TMEM178B: variants seen among roughly 807,000 people sequenced by gnomAD.
TMEM178B encodes the protein transmembrane protein 178B.
In TMEM178B, 5 loss-of-function variants were observed where a neutral mutation model predicts 31.0. The ratio of observed to expected loss-of-function variants is 0.16; its 90% CI spans 0.08 to 0.34. TMEM178B has a LOEUF of 0.34. Ranked by LOEUF, TMEM178B falls within the 10% of genes least tolerant of loss-of-function variation. TMEM178B has a pLI of 1.00. For synonymous variants in TMEM178B, 164 were observed against 164.0 expected, an observed-to-expected ratio of 1.00 and a Z score of 0.00; for missense variants, 275 against 400.3, an observed-to-expected ratio of 0.69 and a Z score of 2.67.
Position 141,444,915 on chromosome 7 carries a change from A to G in TMEM178B, c.634+7170A>G, listed in dbSNP as rs17133531. Among the ~76,000 whole-genome samples the G allele has an allele frequency of 5.6e-3, 849 of 152,106 alleles. 8 individuals are homozygous for G. Among genetic ancestry groups the G allele is most frequent in the African/African-American group, 0.018 (765 of 41,530 alleles). ...TCTGGGCTTCTAAGTGGGTGCCAGT[A>G]TGTGTCATTCACTCTGTGTCTCCCT... On this transcript the variant is annotated intron_variant, in intron 3 of 3. Transcript: ENST00000565468.
In TMEM178B at chr7:141,270,617, T is replaced by G. The variant is rs563812172; in HGVS notation, c.496+57913T>G. Among the ~76,000 whole-genome samples the G allele has an allele frequency of 6.5e-4, 99 of 152,330 alleles. 1 individual carries two copies. The South Asian group carries it at 0.017, about 26-fold the overall frequency. On this transcript the variant is annotated intron_variant, in intron 2 of 3. Coordinates refer to ENST00000565468, the MANE Select transcript of TMEM178B (RefSeq NM_001195278.2). ...GTCTTGCTAAAGCATCATTTCTAAT[T>G]AAAATATAGGCTTTTTAAAAACACT... is the stretch of plus-strand genomic sequence containing the variant.
chr7:141,233,478 T>C (rs553891148), intron 2 of TMEM178B, among the ~76,000 whole-genome samples: 1 of 152,328 alleles, frequency 6.6e-6, no homozygotes, highest in Admixed American at 6.5e-5. Context: ...CAAGTGATAG[T>C]CCACCGTAAG....
chr7:141,347,716 C>T (rs1194694866), intron 2 of TMEM178B, among the ~76,000 whole-genome samples: 1 of 151,948 alleles, frequency 6.6e-6, no homozygotes, highest in Admixed American at 6.6e-5. Flanking sequence ...ATCTCCCCCA[C>T]CCCCCGTCTG....
chr7:141,509,266 G>C, the TMEM178B span, among the ~76,000 whole-genome samples: 1 of 152,202 alleles, frequency 6.6e-6, no homozygotes, highest in African/African-American at 2.4e-5. Context: ...AATAGAGTAA[G>C]TGAAGAGGAA....
chr7:141,378,263 C>T (rs1286561705), intron 2 of TMEM178B, among the ~76,000 whole-genome samples: 5 of 152,186 alleles, frequency 3.3e-5, no homozygotes, highest in Non-Finnish European at 7.3e-5. Context: ...ATCGACATGA[C>T]TTATTGCTGG....
chr7:141,276,507 A>G (rs1798268721), intron 2 of TMEM178B, among the ~76,000 whole-genome samples: 1 of 152,126 alleles, frequency 6.6e-6, no homozygotes, highest in Non-Finnish European at 1.5e-5. Flanking sequence ...AGCAAGGAGA[A>G]GTACTGAGCA....
chr7:141,402,749 C>G (rs2116622108), intron 2 of TMEM178B, among the ~76,000 whole-genome samples: 1 of 152,370 alleles, frequency 6.6e-6, no homozygotes, highest in South Asian at 2.1e-4. Flanking sequence ...CCTGTGATGA[C>G]AGGCACTTAG....
chr7:141,494,892 A>G, the TMEM178B span, among the ~76,000 whole-genome samples: 1 of 152,212 alleles, frequency 6.6e-6, no homozygotes, highest in Non-Finnish European at 1.5e-5. Context: ...TCACGATAAT[A>G]TAGGAGGTGA....
chr7:141,442,320 C>T (rs1056325173), intron 3 of TMEM178B, among the ~76,000 whole-genome samples: 2 of 152,198 alleles, frequency 1.3e-5, no homozygotes, highest in Admixed American at 6.5e-5. Flanking sequence ...ATGCTGGAGC[C>T]TCCTCTCTAA....
intron 1 of TMEM178B, among the ~76,000 whole-genome samples, chr7:141,120,018 T>C (rs1356737877): frequency 5.3e-5 from 8 of 152,112 alleles, no homozygotes; most frequent in Non-Finnish European, 7.4e-5. Flanking sequence ...GAGGTGGAGA[T>C]GTATCTTGTA....
chr7:141,319,942 G>A lies in TMEM178B; in HGVS notation c.496+107238G>A, dbSNP rs931155973. Among the ~76,000 whole-genome samples the A allele has an allele frequency of 9.9e-4, 150 of 152,192 alleles. 1 individual carries two copies. The highest frequency in any genetic ancestry group is 3.1e-3 in the African/African-American group (129 of 41,448). ...CTCATAGGATCAGTGTGGTTGATAT[G>A]ATATGGTTTGGCTCTGTGTCCTCAC... is the stretch of plus-strand genomic sequence containing the variant. On this transcript the variant is annotated intron_variant, in intron 2 of 3. Transcript: ENST00000565468.
chr7:141,215,704 G>T (rs1486640547), intron 2 of TMEM178B, among the ~76,000 whole-genome samples: 2 of 152,050 alleles, frequency 1.3e-5, no homozygotes, highest in East Asian at 1.9e-4. Flanking sequence ...CCAAAGGAAA[G>T]AAATTTGATT....
chr7:141,279,992 T>C (rs528304352), intron 2 of TMEM178B, among the ~76,000 whole-genome samples: 1 of 152,360 alleles, frequency 6.6e-6, no homozygotes, highest in East Asian at 1.9e-4. Flanking sequence ...AGTTGCAAGC[T>C]CACTTCCCAT....
intron 1 of TMEM178B, among the ~76,000 whole-genome samples, chr7:141,102,225 A>G (rs985965877): frequency 1.3e-5 from 2 of 152,180 alleles, no homozygotes; most frequent in Admixed American, 1.3e-4. Flanking sequence ...TGGAAAATTT[A>G]CTGTAATCCG....
chr7:141,225,491 T>C (rs560534601), intron 2 of TMEM178B, among the ~76,000 whole-genome samples: 1 of 152,328 alleles, frequency 6.6e-6, no homozygotes, highest in South Asian at 2.1e-4. Context: ...ATGAGTTAAA[T>C]AGGCTTTTGT....
intron 1 of TMEM178B, among the ~76,000 whole-genome samples, chr7:141,139,531 C>CA: frequency 6.6e-6 from 1 of 151,944 alleles, no homozygotes; most frequent in South Asian, 2.1e-4. Context: ...TTTGTAGAGA[C>CA]AAGGTTTTGC....
chr7:141,132,430 T>A (rs1795609131), intron 1 of TMEM178B, among the ~76,000 whole-genome samples: 1 of 152,248 alleles, frequency 6.6e-6, no homozygotes, highest in Non-Finnish European at 1.5e-5. Flanking sequence ...TACACTTTAA[T>A]CAACATTTAG....
At chr7:141,108,782 A>C (rs1326580639) in intron 1 of TMEM178B, among the ~76,000 whole-genome samples, 1 of 152,166 alleles carries the variant, frequency 6.6e-6, no homozygotes, top group Non-Finnish European at 1.5e-5. Context: ...TGTTAGCAAA[A>C]GCATGGAGAA....
intron 1 of TMEM178B, among the ~76,000 whole-genome samples, chr7:141,076,480 G>T (rs760155326): frequency 3.3e-5 from 5 of 152,156 alleles, no homozygotes; most frequent in Non-Finnish European, 5.9e-5. Context: ...TCTTGTGTTG[G>T]TTAACCCCAC....
Sources: allele counts gnomAD v4.1 joint callset (sites outside exome capture counted in the v4.1 genomes callset), GRCh38; gene constraint gnomAD v4.1.1; transcripts MANE v1.5; gene names NCBI Gene and HGNC (gene_info 2026-07-23, HGNC 2026-07-21).